The following BACE1 variants were observed in gnomAD, a reference collection of about 807,000 sequenced individuals.
BACE1 encodes the protein APP beta-secretase.
A neutral mutation model predicts 54.0 loss-of-function variants in BACE1; 21 were observed. The ratio of observed to expected loss-of-function variants is 0.39; its 90% CI spans 0.28 to 0.56. BACE1 has a LOEUF of 0.56. BACE1 is among the 20% of genes least tolerant of loss of function. The pLI is 0.63. For synonymous variants in BACE1, 232 were observed against 260.9 expected (o/e 0.89, Z 1.07); for missense variants, 511 against 661.2 (o/e 0.77, Z 2.49).
At position 117,315,685 on chromosome 11, in the gene BACE1, G is replaced by A. The variant is rs1255414388; in HGVS notation, c.111C>T (p.Ala37=). 2 of 1,525,612 alleles carry A rather than the reference G, an allele frequency of 1.3e-6. No individual in the cohort carries two copies. The highest frequency in any genetic ancestry group is 2.2e-5 in the Admixed American group (1 of 45,220). The allele number at this position is 1,525,612 out of a possible 1,614,324, so 94.5% of individuals were successfully genotyped here. The part of the protein sequence containing the change: ...RLPLRSGLGG[A]PLGLRLPRET... Reference sequence around the variant, plus strand: ...CCCGGGGCAGCCGCAGCCCCAGGGGGGCGCCCCCCAGGCCGCTGCGCAGGG... The same window carrying A: ...CCCGGGGCAGCCGCAGCCCCAGGGGAGCGCCCCCCAGGCCGCTGCGCAGGG... Residue 37 remains alanine, a synonymous_variant, in exon 1 of 9, where the codon GCC becomes GCT. Coordinates refer to ENST00000313005, the MANE Select transcript of BACE1 (RefSeq NM_012104.6). The surrounding 1 kb of genome is among the most constrained non-coding windows in gnomAD (Gnocchi z 5.5).
In BACE1 at chr11:117,289,562, C is replaced by T. The variant is rs768342094; in HGVS notation, c.*4G>A. The T allele has an allele frequency of 6.2e-7, 1 of 1,613,956 alleles. No homozygotes were observed. Among genetic ancestry groups the T allele is most frequent in the Non-Finnish European group, 8.5e-7 (1 of 1,179,940 alleles). On this transcript the variant is annotated 3_prime_UTR_variant, in exon 9 of 9. Transcript: ENST00000313005. ...GAATCTCTATCTTCTGCCCATGGGC[C>T]TCCTCACTTCAGCAGGGAGATGTCA...
intron 2 of BACE1, 68 bp from the exon 3 acceptor site, chr11:117,295,415 A>T (rs2034572794): frequency 6.4e-7 from 1 of 1,569,506 alleles, no homozygotes; most frequent in African/African-American, 1.4e-5. Flanking sequence ...AGTTAAACTT[A>T]CTCCCAAACA....
In BACE1 at chr11:117,285,761, C is replaced by T. The variant is rs1372238759; in HGVS notation, c.*3805G>A. 1.3e-5 allele frequency: 2 copies of T among 152,276 alleles called. No individual in the cohort carries two copies. The highest frequency in any genetic ancestry group is 6.5e-5 in the Admixed American group (1 of 15,280). 9.4% of individuals were successfully genotyped at this position (152,276 alleles called of 1,614,324 possible). On this transcript the variant is annotated 3_prime_UTR_variant, in exon 9 of 9. Coordinates refer to ENST00000313005, the MANE Select transcript of BACE1 (RefSeq NM_012104.6). ...ATTATTTATACAGACATTAGGTTTA[C>T]AGAATATTCTGTTTTACATCACCAA...
intron 6 of BACE1, 52 bp from the exon 7 acceptor site, chr11:117,291,101 G>A (rs535303492): frequency 1.2e-5 from 19 of 1,592,560 alleles, no homozygotes; most frequent in Middle Eastern, 1.7e-4. Flanking sequence ...TTATCATCTC[G>A]CCCCTCCCAT....
chr11:117,293,539 CTAAT>C lies in BACE1; in HGVS notation c.705+328_705+331del, dbSNP rs780624564. ...TATTGGAGAACCATTCACCATTGTT[CTAAT>C]TAATTAATAAATAGACAAACTTCTT... is the stretch of plus-strand genomic sequence containing the variant. On this transcript the variant is annotated intron_variant, in intron 4 of 8. Transcript: ENST00000313005. The surrounding 1 kb of genome is among the most constrained non-coding windows in gnomAD (Gnocchi z 4.1). The C allele has an allele frequency of 6.9e-4, 187 of 272,434 alleles. 2 individuals are homozygous for C. Among genetic ancestry groups the C allele is most frequent in the South Asian group, 1.7e-3 (16 of 9,350 alleles). The allele number at this position is 272,434 out of a possible 1,614,324, so 16.9% of individuals were successfully genotyped here.
chr11:117,294,669 C>T lies in BACE1; in HGVS notation c.567+462G>A, dbSNP rs551721014. Among the ~76,000 whole-genome samples the T allele has an allele frequency of 7.9e-5, 12 of 151,528 alleles. No homozygotes were observed. The East Asian group carries it at 1.8e-3, about 23-fold the overall frequency. ...AAGGCCGAGGTGAGCGGATCACCTGCGGTCAGGAGTTCGAGACCAGCCTGG... is the reference window on the plus strand; with the variant it reads ...AAGGCCGAGGTGAGCGGATCACCTGTGGTCAGGAGTTCGAGACCAGCCTGG... On this transcript the variant is annotated intron_variant, in intron 3 of 8. Coordinates refer to ENST00000313005, the MANE Select transcript of BACE1 (RefSeq NM_012104.6).
At position 117,288,543 on chromosome 11, in the gene BACE1, G is replaced by A. The variant is rs1167880634; in HGVS notation, c.*1023C>T. The A allele has an allele frequency of 6.6e-6, 1 of 152,648 alleles. No homozygotes were observed. The highest frequency in any genetic ancestry group is 2.4e-5 in the African/African-American group (1 of 41,448). The allele number at this position is 152,648 out of a possible 1,614,324, so 9.5% of individuals were successfully genotyped here. A position where few individuals can be genotyped will look rare whatever the true frequency, so the allele number is the denominator to read the frequency against. ...GCTGCAAAGCTCCAGAGGAAGATTT[G>A]GGGGAAAGAGTGAGCCTATGACCAG... is the stretch of plus-strand genomic sequence containing the variant. On this transcript the variant is annotated 3_prime_UTR_variant, in exon 9 of 9. Transcript: ENST00000313005.
At chr11:117,290,155 TG>T (rs990596071) in intron 8 of BACE1, among the ~76,000 whole-genome samples, 8 of 152,238 alleles carry the variant, frequency 5.3e-5, no homozygotes, top group Non-Finnish European at 1.2e-4. Flanking sequence ...GCCACCTTTC[TG>T]AAGTAGCATT....
In BACE1 at chr11:117,289,726, T is replaced by A; in HGVS notation, c.1346A>T (p.Gln449Leu). 6.2e-7 allele frequency: 1 copy of A among 1,614,246 alleles called. No individual in the cohort carries two copies. Among genetic ancestry groups the A allele is most frequent in the Non-Finnish European group, 8.5e-7 (1 of 1,180,046 alleles). Reference protein sequence around the residue: ...DMEDCGYNIPQTDESTLMTIA... With the variant: ...DMEDCGYNIPLTDESTLMTIA... ...GGTCATGAGGGTTGACTCATCTGTC[T>A]GTGGAATGTTGTAGCCACAGTCTTC... Residue 449 changes from glutamine to leucine, a missense_variant, in exon 9 of 9, where the codon CAG (glutamine) becomes CTG (leucine). Transcript: ENST00000313005.
Position 117,289,622 on chromosome 11 carries a change from G to C in BACE1, c.1450C>G (p.Arg484Gly). ...CLMVCQWRCL[R>G]CLRQQHDDFA... ...TCATCATGCTGCTGGCGCAGGCAGC[G>C]GAGGCAGCGCCACTGACACACCATG... The change falls in exon 9 of 9, where the codon CGC becomes GGC. Residue 484 changes from arginine to glycine, a missense_variant. Coordinates refer to ENST00000313005, the MANE Select transcript of BACE1 (RefSeq NM_012104.6). 1 of 1,614,184 alleles carries C rather than the reference G, an allele frequency of 6.2e-7. No individual in the cohort carries two copies. Among genetic ancestry groups the C allele is most frequent in the Non-Finnish European group, 8.5e-7 (1 of 1,180,030 alleles).
intron 1 of BACE1, chr11:117,314,732 C>T (rs1241379523): frequency 1.3e-5 from 2 of 152,440 alleles, no homozygotes; most frequent in African/African-American, 4.8e-5. Flanking sequence ...CTTGAAGGTA[C>T]CTTGGAGATT....
intron 6 of BACE1, among the ~76,000 whole-genome samples, chr11:117,291,422 C>T (rs151122725): frequency 1.4e-4 from 21 of 152,208 alleles, no homozygotes; most frequent in African/African-American, 4.8e-4. Flanking sequence ...GGATTACAGG[C>T]GTGCGCCACC....
chr11:117,312,115 G>A (rs1461979104), intron 1 of BACE1, among the ~76,000 whole-genome samples: 1 of 152,146 alleles, frequency 6.6e-6, no homozygotes, highest in East Asian at 1.9e-4. Flanking sequence ...AAACTTATCT[G>A]GTCTTAGCCT....
At chr11:117,295,571 A>G (rs780554729) in intron 2 of BACE1, 44 of 1,535,446 alleles carry the variant, frequency 2.9e-5, no homozygotes, top group East Asian at 4.9e-5. Flanking sequence ...TCTCCTATCT[A>G]TTGCTCATAT....
At chr11:117,304,169 A>T (rs980649457) in intron 1 of BACE1, among the ~76,000 whole-genome samples, 1 of 152,228 alleles carries the variant, frequency 6.6e-6, no homozygotes, top group Admixed American at 6.5e-5. Flanking sequence ...GAGAGGCTTG[A>T]TAAGCACTTG....
intron 1 of BACE1, among the ~76,000 whole-genome samples, chr11:117,313,083 C>T (rs2034988240): frequency 3.3e-5 from 5 of 152,180 alleles, no homozygotes; most frequent in Admixed American, 3.3e-4. Flanking sequence ...AATACAATGC[C>T]ATCCAAGTTC....
intron 1 of BACE1, among the ~76,000 whole-genome samples, chr11:117,301,555 A>C (rs2034726007): frequency 6.6e-6 from 1 of 151,930 alleles, no homozygotes; most frequent in African/African-American, 2.4e-5. Flanking sequence ...GTTGCAGTGA[A>C]CCATGATTGT....
chr11:117,310,132 T>C (rs963205023), intron 1 of BACE1, among the ~76,000 whole-genome samples: 4 of 151,922 alleles, frequency 2.6e-5, no homozygotes, highest in Non-Finnish European at 5.9e-5. Context: ...TGGTCTCCAA[T>C]TCCCAGCCTC....
intron 1 of BACE1, among the ~76,000 whole-genome samples, chr11:117,309,299 T>A (rs1183180697): frequency 6.6e-6 from 1 of 152,214 alleles, no homozygotes; most frequent in Non-Finnish European, 1.5e-5. Context: ...CTCGTATACC[T>A]ACAAGGATTC....
Sources: gnomAD v4.1 joint callset for allele counts (sites outside exome capture counted in the v4.1 genomes callset) on GRCh38, gnomAD v4.1.1 for gene constraint, Gnocchi (gnomAD v3.1) non-coding constraint, MANE v1.5 for transcripts, NCBI Gene and HGNC (gene_info 2026-07-23, HGNC 2026-07-21) for gene names.